Variants in LRRC4C observed in about 807,000 individuals in gnomAD.
LRRC4C encodes leucine rich repeat containing 4C.
A neutral mutation model predicts 33.6 loss-of-function variants in LRRC4C; 5 were observed. The ratio of observed to expected loss-of-function variants is 0.15; its 90% CI spans 0.08 to 0.31. LRRC4C has a LOEUF of 0.31. Ranked by LOEUF, LRRC4C falls within the 10% of genes least tolerant of loss-of-function variation. The pLI is 1.00. For missense variants in LRRC4C, 560 were observed against 796.7 expected (o/e 0.70, Z 3.58); for synonymous variants, 329 against 302.0 (o/e 1.09, Z -0.93).
intron 3 of LRRC4C, among the ~76,000 whole-genome samples, chr11:40,365,438 AG>A (rs1374466085): frequency 1.3e-5 from 2 of 152,188 alleles, no homozygotes; most frequent in East Asian, 1.9e-4. Flanking sequence ...CATATGTAAA[AG>A]AAAGGTGTTG....
intron 1 of LRRC4C, among the ~76,000 whole-genome samples, chr11:40,964,087 C>T (rs138847757): frequency 8.9e-4 from 135 of 151,482 alleles, no homozygotes; most frequent in African/African-American, 3.2e-3. Flanking sequence ...TCTCAATGTG[C>T]CGCAGTTTCT....
intron 2 of LRRC4C, among the ~76,000 whole-genome samples, chr11:40,854,538 T>G (rs576702946): frequency 6.6e-6 from 1 of 152,284 alleles, no homozygotes; most frequent in South Asian, 2.1e-4. Flanking sequence ...AATTTTCCAC[T>G]CCTATCAGCT....
At position 40,957,336 on chromosome 11, in the gene LRRC4C, C is replaced by T. The variant is rs538313540; in HGVS notation, c.-495-23613G>A. 5.6e-3 allele frequency among the ~76,000 whole-genome samples: 848 copies of T among 151,788 alleles called. 6 individuals carry two copies. The highest frequency in any genetic ancestry group is 7.3e-3 in the Non-Finnish European group (492 of 67,756). On this transcript the variant is annotated intron_variant, in intron 1 of 6. Coordinates refer to ENST00000528697, the MANE Select transcript of LRRC4C (RefSeq NM_001258419.2). Reference sequence around the variant, plus strand: ...AAAACATTTCTGTGGCCACTAAGTTCTTTAGGTACACTGAAGAGAGGAAGA... The same window carrying T: ...AAAACATTTCTGTGGCCACTAAGTTTTTTAGGTACACTGAAGAGAGGAAGA...
intron 2 of LRRC4C, among the ~76,000 whole-genome samples, chr11:40,869,884 C>A (rs1242259159): frequency 6.6e-6 from 1 of 152,138 alleles, no homozygotes; most frequent in Non-Finnish European, 1.5e-5. Flanking sequence ...AGCTTTCAGT[C>A]CTGCTCTAAA....
At chr11:40,796,955 G>T (rs1950858147) in intron 2 of LRRC4C, among the ~76,000 whole-genome samples, 1 of 151,982 alleles carries the variant, frequency 6.6e-6, no homozygotes, top group African/African-American at 2.4e-5. Flanking sequence ...CCATAAGCAG[G>T]ACTTTTGATA....
At chr11:41,289,217 A>G (rs1445280250) in intron 1 of LRRC4C, among the ~76,000 whole-genome samples, 1 of 152,128 alleles carries the variant, frequency 6.6e-6, no homozygotes, top group Non-Finnish European at 1.5e-5. Flanking sequence ...ATTTTGTTAA[A>G]CCACTATACA....
At chr11:41,375,235 A>T (rs542636024) in intron 1 of LRRC4C, among the ~76,000 whole-genome samples, 12 of 152,090 alleles carry the variant, frequency 7.9e-5, no homozygotes, top group Non-Finnish European at 1.5e-4. Context: ...TTATTATTAT[A>T]TATATTTAAA....
At chr11:40,773,524 A>T (rs1056549426) in intron 2 of LRRC4C, among the ~76,000 whole-genome samples, 1 of 152,086 alleles carries the variant, frequency 6.6e-6, no homozygotes, top group African/African-American at 2.4e-5. Context: ...TAAAAAATAA[A>T]GATAAAAGAA....
At chr11:40,819,156 A>C (rs1031191141) in intron 2 of LRRC4C, among the ~76,000 whole-genome samples, 8 of 152,164 alleles carry the variant, frequency 5.3e-5, no homozygotes, top group African/African-American at 1.2e-4. Flanking sequence ...ATTCTCAATA[A>C]AATGATTCAC....
intron 3 of LRRC4C, among the ~76,000 whole-genome samples, chr11:40,480,889 T>C (rs927681337): frequency 1.3e-5 from 2 of 151,846 alleles, no homozygotes; most frequent in African/African-American, 2.4e-5. Flanking sequence ...GGCAAACTCA[T>C]AGAAGCAGAG....
chr11:40,412,159 T>A (rs1358041432), intron 3 of LRRC4C, among the ~76,000 whole-genome samples: 1 of 152,074 alleles, frequency 6.6e-6, no homozygotes, highest in Non-Finnish European at 1.5e-5. Context: ...AACTTTTACA[T>A]ATGCTACATA....
chr11:41,000,549 A>G (rs949135927), intron 1 of LRRC4C, among the ~76,000 whole-genome samples: 19 of 152,138 alleles, frequency 1.2e-4, no homozygotes, highest in African/African-American at 4.6e-4. Flanking sequence ...ATTTTACATA[A>G]TAAAATTATT....
At chr11:41,413,507 C>T (rs184784326) in intron 1 of LRRC4C, among the ~76,000 whole-genome samples, 1 of 152,202 alleles carries the variant, frequency 6.6e-6, no homozygotes, top group East Asian at 1.9e-4. Flanking sequence ...ACAATATGAC[C>T]ATACATAACT....
chr11:40,523,246 C>T (rs193019781), intron 3 of LRRC4C, among the ~76,000 whole-genome samples: 7 of 151,998 alleles, frequency 4.6e-5, no homozygotes, highest in Middle Eastern at 3.2e-3. Flanking sequence ...AGTAGTATCT[C>T]ATTGTGGATT....
intron 3 of LRRC4C, among the ~76,000 whole-genome samples, chr11:40,615,563 C>G (rs909072499): frequency 1.3e-5 from 2 of 151,752 alleles, no homozygotes; most frequent in South Asian, 4.1e-4. Flanking sequence ...CAAACCCTAA[C>G]AGACATTAGT....
chr11:40,791,963 T>G (rs941223822), intron 2 of LRRC4C, among the ~76,000 whole-genome samples: 1 of 152,138 alleles, frequency 6.6e-6, no homozygotes, highest in Non-Finnish European at 1.5e-5. Context: ...AGTGGCTACG[T>G]AGTCTTTGAA....
At chr11:40,313,835 G>A (rs1590284045) in intron 4 of LRRC4C, among the ~76,000 whole-genome samples, 1 of 151,566 alleles carries the variant, frequency 6.6e-6, no homozygotes, top group Non-Finnish European at 1.5e-5. Flanking sequence ...GGATGGTCTC[G>A]ATCTCTTGAC....
In LRRC4C at chr11:40,130,263, G is replaced by A. The variant is rs527822980; in HGVS notation, c.-43+10538C>T. ...TGCTCCAATGATTAGAAATATGCCT[G>A]TTTGTAACAATGCCTACATTCTCCT... On this transcript the variant is annotated intron_variant, in intron 6 of 6. Coordinates refer to ENST00000528697, the MANE Select transcript of LRRC4C (RefSeq NM_001258419.2). 4.4e-4 allele frequency among the ~76,000 whole-genome samples: 67 copies of A among 152,276 alleles called. No individual in the cohort carries two copies. The Middle Eastern group carries it at 0.01, about 23-fold the overall frequency.
At chr11:40,844,289 T>C (rs867484854) in intron 2 of LRRC4C, among the ~76,000 whole-genome samples, 75 of 152,256 alleles carry the variant, frequency 4.9e-4, no homozygotes, top group Non-Finnish European at 2.8e-4. Context: ...ATCAGTGCTA[T>C]TTATTTGTTA....
Sources: allele counts gnomAD v4.1 joint callset (sites outside exome capture counted in the v4.1 genomes callset), GRCh38; gene constraint gnomAD v4.1.1; transcripts MANE v1.5; gene names NCBI Gene and HGNC (gene_info 2026-07-23, HGNC 2026-07-21).